The following LNX1 variants were observed in gnomAD, a reference collection of about 807,000 sequenced individuals.
The protein encoded by LNX1 is ligand of numb-protein X 1.
Under a neutral mutation model 68.4 loss-of-function variants are expected in LNX1, and 54 were observed. That is an observed-to-expected ratio of 0.79 (90% confidence interval 0.63 to 0.99). The LOEUF (loss-of-function observed/expected upper bound fraction) is 0.99, where lower values mean the gene tolerates loss of function less well. Among genes scored for constraint, LNX1 ranks in the 50% least tolerant of loss-of-function variants. The pLI is 0.00. For missense variants in LNX1, 906 were observed against 926.4 expected, an observed-to-expected ratio of 0.98 and a Z score of 0.29; for synonymous variants, 336 against 350.0, an observed-to-expected ratio of 0.96 and a Z score of 0.45.
chr4:53,467,308 C>T (rs1019308666), intron 9 of LNX1, among the ~76,000 whole-genome samples: 9 of 152,136 alleles, frequency 5.9e-5, no homozygotes, highest in Non-Finnish European at 4.4e-5. Context: ...AACTAACAAA[C>T]AGAAAGGGCA....
intron 1 of LNX1, among the ~76,000 whole-genome samples, chr4:53,638,552 T>A (rs1338764240): frequency 3.9e-5 from 6 of 152,324 alleles, no homozygotes; most frequent in African/African-American, 1.4e-4. Context: ...TTTCATACTA[T>A]CAGCAAGTGT....
At chr4:53,639,035 A>C (rs1376578119) in intron 1 of LNX1, among the ~76,000 whole-genome samples, 1 of 152,226 alleles carries the variant, frequency 6.6e-6, no homozygotes. Flanking sequence ...ACATACTTGC[A>C]TGTTCACTGC....
chr4:53,605,923 C>T (rs184020222), intron 2 of LNX1, among the ~76,000 whole-genome samples: 7 of 152,218 alleles, frequency 4.6e-5, no homozygotes, highest in African/African-American at 9.6e-5. Flanking sequence ...CTGGTGATTC[C>T]GTTTCCCAGA....
intron 2 of LNX1, among the ~76,000 whole-genome samples, chr4:53,566,959 T>C (rs1175738126): frequency 6.6e-6 from 1 of 152,164 alleles, no homozygotes; most frequent in East Asian, 1.9e-4. Flanking sequence ...CCTAAATATA[T>C]ATGCATCCAA....
At chr4:53,516,677 A>G (rs575579606) in intron 2 of LNX1, among the ~76,000 whole-genome samples, 1 of 152,350 alleles carries the variant, frequency 6.6e-6, no homozygotes, top group East Asian at 1.9e-4. Flanking sequence ...TGTGACACCA[A>G]TGAGGAAAGA....
chr4:53,514,972 C>A (rs1378101049), intron 2 of LNX1, among the ~76,000 whole-genome samples: 1 of 152,120 alleles, frequency 6.6e-6, no homozygotes, highest in Admixed American at 6.5e-5. Flanking sequence ...AACCTAAATA[C>A]CCCATCCAAA....
At chr4:53,566,329 G>A (rs1263979396) in intron 2 of LNX1, among the ~76,000 whole-genome samples, 1 of 151,734 alleles carries the variant, frequency 6.6e-6, no homozygotes, top group Admixed American at 6.5e-5. Context: ...CCAGAAGAGA[G>A]TGGGGGCCAA....
At chr4:53,597,154 C>T (rs1438877967) in intron 2 of LNX1, among the ~76,000 whole-genome samples, 1 of 152,120 alleles carries the variant, frequency 6.6e-6, no homozygotes, top group African/African-American at 2.4e-5. Flanking sequence ...GAGATGAGTG[C>T]CTCTACCTAT....
intron 6 of LNX1, among the ~76,000 whole-genome samples, chr4:53,483,515 C>A (rs748149840): frequency 2.0e-5 from 3 of 152,226 alleles, no homozygotes; most frequent in Non-Finnish European, 4.4e-5. Flanking sequence ...ATGAAACTCA[C>A]ATAAATAGAG....
chr4:53,557,581 G>C (rs1370599941), intron 2 of LNX1, among the ~76,000 whole-genome samples: 1 of 151,564 alleles, frequency 6.6e-6, no homozygotes, highest in Non-Finnish European at 1.5e-5. Flanking sequence ...ACGGAAGGAA[G>C]AGAAGTTACA....
At chr4:53,649,980 A>G (rs1735031932) in intron 1 of LNX1, among the ~76,000 whole-genome samples, 1 of 152,220 alleles carries the variant, frequency 6.6e-6, no homozygotes, top group Admixed American at 6.5e-5. Flanking sequence ...GAGAAGAAAA[A>G]GGAGCAGGGA....
At position 53,459,824 on chromosome 4, in the gene LNX1, C is replaced by A; in HGVS notation, c.*1083G>T. 3.8e-6 allele frequency: 1 copy of A among 260,108 alleles called. No individual in the cohort carries two copies. The highest frequency in any genetic ancestry group is 5.1e-5 in the Admixed American group (1 of 19,790). The allele number at this position is 260,108 out of a possible 1,614,324, so 16.1% of individuals were successfully genotyped here. ...ACACCACTCTCTTAAGAGGCTGCAT[C>A]ACAAAAGGCAACAAAGGGCCCCTCT... On this transcript the variant is annotated 3_prime_UTR_variant, in exon 11 of 11. Coordinates refer to ENST00000263925, the MANE Select transcript of LNX1 (RefSeq NM_001126328.3).
chr4:53,508,158 G>A lies in LNX1; in HGVS notation c.450C>T (p.Asp150=), dbSNP rs771325613. 10 of 1,614,130 alleles carry A rather than the reference G, an allele frequency of 6.2e-6. No individual in the cohort carries two copies. Among genetic ancestry groups the A allele is most frequent in the South Asian group, 2.2e-5 (2 of 91,078 alleles). ...CCGTGGCTGTGAGGCTCGCACAGCC[G>A]TCTGGACAGCCATCTTGTGAGCGCC... ...RKRRSQDGCP[D]GCASLTATAP... is the part of the protein sequence containing the mutation. Residue 150 remains aspartate (D), a synonymous_variant, in exon 3 of 11, where the codon GAC becomes GAT. Coordinates refer to ENST00000263925, the MANE Select transcript of LNX1 (RefSeq NM_001126328.3).
Position 53,461,610 on chromosome 4 carries a change from T to C in LNX1, c.1893-17A>G. 6.3e-7 allele frequency: 1 copy of C among 1,592,982 alleles called. No individual in the cohort carries two copies. Among genetic ancestry groups the C allele is most frequent in the Non-Finnish European group, 8.6e-7 (1 of 1,163,392 alleles). On this transcript the variant is annotated splice_polypyrimidine_tract_variant and intron_variant, in intron 9 of 10. Coordinates refer to ENST00000263925, the MANE Select transcript of LNX1 (RefSeq NM_001126328.3). ...TACAAGCACCTGAAATAGAATGTAA[T>C]CAGTGTACATGCATATTTAAGTTTC...
At chr4:53,558,016 G>T in intron 2 of LNX1, 31 of 1,609,258 alleles carry the variant, frequency 1.9e-5, no homozygotes, top group Non-Finnish European at 2.6e-5. Context: ...TCAGCTACAA[G>T]GGCCCAAACC....
intron 6 of LNX1, among the ~76,000 whole-genome samples, chr4:53,493,962 G>A (rs1306386548): frequency 6.6e-5 from 10 of 152,080 alleles, no homozygotes; most frequent in Admixed American, 5.2e-4. Flanking sequence ...AGCATGGCTC[G>A]CAATATTTCA....
At chr4:53,639,747 T>G (rs879679545) in intron 1 of LNX1, among the ~76,000 whole-genome samples, 1 of 152,136 alleles carries the variant, frequency 6.6e-6, no homozygotes, top group Non-Finnish European at 1.5e-5. Flanking sequence ...CAAGAGTTAT[T>G]TAGGTCAGGT....
chr4:53,590,856 CTG>C (rs1732465801), intron 1 of LNX1, among the ~76,000 whole-genome samples: 1 of 152,034 alleles, frequency 6.6e-6, no homozygotes. Context: ...GAGAGGAAAA[CTG>C]GAACGCACAG....
intron 1 of LNX1, chr4:53,576,438 A>T (rs1731493528): frequency 2.5e-5 from 36 of 1,433,076 alleles, no homozygotes; most frequent in Non-Finnish European, 3.0e-5. Flanking sequence ...GGCACCTCAG[A>T]TGGTGCCAAA....
Sources: allele counts gnomAD v4.1 joint callset (sites outside exome capture counted in the v4.1 genomes callset), GRCh38; gene constraint gnomAD v4.1.1; transcripts MANE v1.5; gene names NCBI Gene and HGNC (gene_info 2026-07-23, HGNC 2026-07-21).